MYO18A: variants seen among roughly 807,000 people sequenced by gnomAD.
MYO18A encodes myosin XVIIIA.
MYO18A carries 78 observed loss-of-function variants against 235.8 expected under a neutral mutation model. The ratio of observed to expected loss-of-function variants is 0.33; its 90% CI spans 0.28 to 0.40. MYO18A has a LOEUF of 0.40. Ranked by LOEUF, MYO18A falls within the 10% of genes least tolerant of loss-of-function variation. The pLI, the probability that MYO18A is intolerant of heterozygous loss-of-function variation, is 1.00. For synonymous variants in MYO18A, 977 were observed against 1,077.8 expected, an observed-to-expected ratio of 0.91 and a Z score of 1.83; for missense variants, 2,215 against 2,699.3, an observed-to-expected ratio of 0.82 and a Z score of 3.98.
chr17:29,094,205 C>A, intron 30 of MYO18A, 115 bp from the exon 31 acceptor site: 1 of 719,746 alleles, frequency 1.4e-6, no homozygotes, highest in South Asian at 1.8e-5. Flanking sequence ...AGCCAGTTCC[C>A]TTTGCTGGCA....
At chr17:29,080,341 G>A in intron 41 of MYO18A, 2 of 986,188 alleles carry the variant, frequency 2.0e-6, no homozygotes, top group Non-Finnish European at 2.4e-6. Context: ...CTCATCCACT[G>A]CCGAGGCAGA....
At position 29,083,516 on chromosome 17, in the gene MYO18A, ATGTGTGCGCGCGCGCG is replaced by A. The variant is rs770010397; in HGVS notation, c.5898-1094_5898-1079del. ...TTCTTAAATAAACAGCCACACAGGC[ATGTGTGCGCGCGCGCG>A]CACACACACACACACACACACACAC... On this transcript the variant is annotated intron_variant, in intron 40 of 41. Coordinates refer to ENST00000527372, the MANE Select transcript of MYO18A (RefSeq NM_078471.4). Among the ~76,000 whole-genome samples, 50 of 144,292 alleles carry A rather than the reference ATGTGTGCGCGCGCGCG, an allele frequency of 3.5e-4. 3 individuals are homozygous for A. Among genetic ancestry groups the A allele is most frequent in the East Asian group, 1.2e-3 (6 of 4,844 alleles). The allele number at this position is 144,292 out of a possible 152,430, so 94.7% of individuals were successfully genotyped here. A position where few individuals can be genotyped will look rare whatever the true frequency, so the allele number is the denominator to read the frequency against.
intron 15 of MYO18A, among the ~76,000 whole-genome samples, chr17:29,112,516 T>C (rs2066956498): frequency 6.6e-6 from 1 of 152,208 alleles, no homozygotes; most frequent in Non-Finnish European, 1.5e-5. Flanking sequence ...AGCTAGCTGC[T>C]CTCCTGGAAG....
At chr17:29,178,374 G>A (rs935431448) in intron 1 of MYO18A, among the ~76,000 whole-genome samples, 1 of 152,006 alleles carries the variant, frequency 6.6e-6, no homozygotes. Context: ...GGAAGTGACC[G>A]CCAGCCTGTG....
intron 31 of MYO18A, among the ~76,000 whole-genome samples, chr17:29,093,683 C>A (rs1175315204): frequency 6.6e-6 from 1 of 151,956 alleles, no homozygotes; most frequent in African/African-American, 2.4e-5. Flanking sequence ...TGGTGGAGAC[C>A]TGCCCGGCCA....
intron 35 of MYO18A, 27 bp from the exon 36 acceptor site, chr17:29,090,642 G>A (rs2066375156): frequency 1.3e-6 from 2 of 1,589,178 alleles, no homozygotes; most frequent in Non-Finnish European, 1.7e-6. Context: ...AGCATCAGAA[G>A]CAGGATCCCC....
chr17:29,174,920 T>C (rs916141860), intron 1 of MYO18A, among the ~76,000 whole-genome samples: 2 of 152,222 alleles, frequency 1.3e-5, no homozygotes, highest in Non-Finnish European at 2.9e-5. Context: ...ACTATATTGT[T>C]AAGTGAAAAA....
chr17:29,149,868 G>A (rs1212247619), intron 2 of MYO18A, among the ~76,000 whole-genome samples: 1 of 152,192 alleles, frequency 6.6e-6, no homozygotes, highest in Non-Finnish European at 1.5e-5. Flanking sequence ...TCACTTCTGG[G>A]TCTCCTAAAT....
Position 29,120,351 on chromosome 17 carries a change from C to T in MYO18A, c.1728+265G>A, listed in dbSNP as rs572943431. ...CAGAAAGTGGGAAGTAAGGCTGAGG[C>T]CCAGCAGTAGAGTTAGGACAACCCC... On this transcript the variant is annotated intron_variant, in intron 7 of 41. Coordinates refer to ENST00000527372, the MANE Select transcript of MYO18A (RefSeq NM_078471.4). The surrounding 1 kb of genome is among the most constrained non-coding windows in gnomAD (Gnocchi z 4.2). 1.1e-4 allele frequency among the ~76,000 whole-genome samples: 17 copies of T among 152,332 alleles called. No homozygotes were observed. In the Middle Eastern group the frequency reaches 0.014, roughly 122 times the overall value.
Position 29,118,150 on chromosome 17 carries a change from G to C in MYO18A, c.1933C>G (p.Leu645Val). ...CCCAGCACCTTCATGGCCGCCTGCAGCTTACTAAACTGCTGAGCTGCCTTC... is the reference window on the plus strand; with the variant it reads ...CCCAGCACCTTCATGGCCGCCTGCACCTTACTAAACTGCTGAGCTGCCTTC... Reference protein sequence around the residue: ...KQKAAQQFSKLQAAMKVLGIS... With the variant: ...KQKAAQQFSKVQAAMKVLGIS... The change falls in exon 10 of 42, where the codon CTG (leucine) becomes GTG (valine). Residue 645 changes from leucine to valine, a missense_variant. Coordinates refer to ENST00000527372, the MANE Select transcript of MYO18A (RefSeq NM_078471.4). This position sits in a 1 kb window ranked among gnomAD's most constrained non-coding sequence, Gnocchi z 4.2. 6.3e-7 allele frequency: 1 copy of C among 1,598,488 alleles called. No homozygotes were observed. Among genetic ancestry groups the C allele is most frequent in the Non-Finnish European group, 8.5e-7 (1 of 1,171,882 alleles).
At position 29,099,760 on chromosome 17, in the gene MYO18A, C is replaced by T; in HGVS notation, c.3510G>A (p.Val1170=). 1 of 1,611,894 alleles carries T rather than the reference C, an allele frequency of 6.2e-7. No individual in the cohort carries two copies. ...KSSCCMGLSR[V]FFRAGTLARL... ...GTGCCAAGGTGCCCGCCCGGAAGAA[C>T]ACCTGTGAAAAAGCAGGCCAGGTGA... is the stretch of plus-strand genomic sequence containing the variant. Residue 1170 remains valine, a splice_region_variant and synonymous_variant, in exon 22 of 42, where the codon GTG becomes GTA. Transcript: ENST00000527372.
chr17:29,104,470 C>T (rs959361094), intron 20 of MYO18A, among the ~76,000 whole-genome samples: 10 of 152,076 alleles, frequency 6.6e-5, no homozygotes, highest in East Asian at 3.9e-4. Flanking sequence ...GAGAAAGAGG[C>T]GGCTTGTGGG....
intron 39 of MYO18A, 123 bp from the exon 40 acceptor site, chr17:29,085,771 G>A: frequency 1.0e-6 from 1 of 966,016 alleles, no homozygotes; most frequent in Non-Finnish European, 1.6e-6. Context: ...AGCTCTGGCT[G>A]GTTGAGACCA....
chr17:29,135,557 AT>A lies in MYO18A; in HGVS notation c.1000-13305del, dbSNP rs1290336396. On this transcript the variant is annotated intron_variant, in intron 2 of 41. Coordinates refer to ENST00000527372, the MANE Select transcript of MYO18A (RefSeq NM_078471.4). ...GACTTTAAGTTTGTCTGTTGGTGTAATTTTAACTCGTTTGATCTTTGATCTC... is the reference window on the plus strand; with the variant it reads ...GACTTTAAGTTTGTCTGTTGGTGTAATTTAACTCGTTTGATCTTTGATCTC... 1.3e-5 allele frequency among the ~76,000 whole-genome samples: 2 copies of A among 152,040 alleles called. 1 individual carries two copies. The highest frequency in any genetic ancestry group is 2.9e-5 in the Non-Finnish European group (2 of 68,006).
At chr17:29,128,662 C>G in intron 2 of MYO18A, 1 of 771,646 alleles carries the variant, frequency 1.3e-6, no homozygotes, top group South Asian at 1.9e-5. Flanking sequence ...CATTCATCTA[C>G]CAAGCAACAC....
At chr17:29,097,740 G>T in intron 26 of MYO18A, 48 bp downstream of exon 26, 1 of 1,519,026 alleles carries the variant, frequency 6.6e-7, no homozygotes, top group African/African-American at 1.4e-5. Context: ...GTGGGCATCA[G>T]GGCTCGCATT....
intron 2 of MYO18A, among the ~76,000 whole-genome samples, chr17:29,163,872 G>A (rs1236998472): frequency 6.6e-6 from 1 of 152,214 alleles, no homozygotes; most frequent in East Asian, 1.9e-4. Context: ...GACAGGCATG[G>A]CAACATGTTA....
At chr17:29,079,990 C>CGCACAA in intron 41 of MYO18A, 1 of 986,050 alleles carries the variant, frequency 1.0e-6, no homozygotes, top group Non-Finnish European at 1.2e-6. Flanking sequence ...CCCCTTCTTC[C>CGCACAA]GCCTCTTGTG....
Position 29,074,924 on chromosome 17 carries a change from C to A in MYO18A, c.6021-10G>T. On this transcript the variant is annotated splice_polypyrimidine_tract_variant and intron_variant, in intron 41 of 41. Coordinates refer to ENST00000527372, the MANE Select transcript of MYO18A (RefSeq NM_078471.4). The surrounding 1 kb of genome is among the most constrained non-coding windows in gnomAD (Gnocchi z 4.4). ...CCAGTAGCTGGTGGGGCTGCAGGGA[C>A]CGAGGAATAAGGTTAGGGACAAATG... 6.2e-7 allele frequency: 1 copy of A among 1,613,768 alleles called. No homozygotes were observed. Among genetic ancestry groups the A allele is most frequent in the Non-Finnish European group, 8.5e-7 (1 of 1,179,796 alleles).
Sources: gnomAD v4.1 joint callset for allele counts (sites outside exome capture counted in the v4.1 genomes callset) on GRCh38, gnomAD v4.1.1 for gene constraint, Gnocchi (gnomAD v3.1) non-coding constraint, MANE v1.5 for transcripts, NCBI Gene and HGNC (gene_info 2026-07-23, HGNC 2026-07-21) for gene names.